TIAM2: variants seen among roughly 807,000 people sequenced by gnomAD.
The protein encoded by TIAM2 is TIAM Rac1 associated GEF 2.
Under a neutral mutation model 152.9 loss-of-function variants are expected in TIAM2, and 80 were observed. That is an observed-to-expected ratio of 0.52 (90% CI 0.44 to 0.63). The LOEUF (loss-of-function observed/expected upper bound fraction) is 0.63, where lower values mean the gene tolerates loss of function less well. TIAM2 is among the 30% of genes least tolerant of loss of function. The probability of loss-of-function intolerance (pLI) is 0.00; values close to 1 mark genes in which losing one functional copy is unlikely to be tolerated. For synonymous variants in TIAM2, 804 were observed against 838.0 expected (o/e 0.96, Z 0.70); for missense variants, 1,965 against 2,120.1 (o/e 0.93, Z 1.44).
chr6:155,148,098 C>T lies in TIAM2; in HGVS notation c.1804-12C>T, dbSNP rs1171677505. On this transcript the variant is annotated splice_polypyrimidine_tract_variant and intron_variant, in intron 6 of 26. Transcript: ENST00000682666. ...ATGATTCGAAACAGGCTTTCTCCCT[C>T]CCTGTGTGTAGGCCACCAGCCAGAC... 2 of 1,613,418 alleles carry T rather than the reference C, an allele frequency of 1.2e-6. No homozygotes were observed. The highest frequency in any genetic ancestry group is 2.2e-5 in the South Asian group (2 of 91,040).
At chr6:155,080,962 G>A (rs896803075) in intron 1 of TIAM2, among the ~76,000 whole-genome samples, 14 of 152,128 alleles carry the variant, frequency 9.2e-5, no homozygotes, top group African/African-American at 3.4e-4. Flanking sequence ...CTCTGGAGAG[G>A]TCTGTAGCAC....
intron 1 of TIAM2, among the ~76,000 whole-genome samples, chr6:155,023,057 TTTTC>T (rs747633926): frequency 0.05 from 2,066 of 41,472 alleles, 24 homozygotes; most frequent in Non-Finnish European, 0.1. Flanking sequence ...TTTTTTTTTT[TTTTC>T]CCTTGGCAAG....
In TIAM2 at chr6:155,257,202, A is replaced by C. The variant is rs1037634984; in HGVS notation, c.*81A>C. Reference sequence around the variant, plus strand: ...AAAGTGGAAATTGCAAAAAAAAAAAAAAAAAAAAACTGTTCATTCCTGGGT... The same window carrying C: ...AAAGTGGAAATTGCAAAAAAAAAAACAAAAAAAAACTGTTCATTCCTGGGT... On this transcript the variant is annotated 3_prime_UTR_variant, in exon 27 of 27. Transcript: ENST00000682666. 3.3e-5 allele frequency: 47 copies of C among 1,427,898 alleles called. No homozygotes were observed. The highest frequency in any genetic ancestry group is 1.1e-4 in the Admixed American group (5 of 45,686). 88.5% of individuals were successfully genotyped at this position (1,427,898 alleles called of 1,614,324 possible). A position where few individuals can be genotyped will look rare whatever the true frequency, so the allele number is the denominator to read the frequency against.
chr6:155,233,351 GA>G (rs1167324489), intron 15 of TIAM2, among the ~76,000 whole-genome samples: 2 of 152,164 alleles, frequency 1.3e-5, no homozygotes, highest in East Asian at 3.9e-4. Flanking sequence ...TTTTTCTAAT[GA>G]AAAGTATTGC....
In TIAM2 at chr6:155,156,698, A is replaced by C. The variant is rs1426665612; in HGVS notation, c.2029-7717A>C. 6.6e-6 allele frequency among the ~76,000 whole-genome samples: 1 copy of C among 152,068 alleles called. No individual in the cohort carries two copies. The highest frequency in any genetic ancestry group is 6.6e-5 in the Admixed American group (1 of 15,238). On this transcript the variant is annotated intron_variant, in intron 7 of 26. Coordinates refer to ENST00000682666, the MANE Select transcript of TIAM2 (RefSeq NM_012454.4). The surrounding 1 kb of genome is among the most constrained non-coding windows in gnomAD (Gnocchi z 4.4). ...AATAAAGTAAAAAAATAAAAAGCACATGTGATCCTGTGATTGCCAGATAAA... is the reference window on the plus strand; with the variant it reads ...AATAAAGTAAAAAAATAAAAAGCACCTGTGATCCTGTGATTGCCAGATAAA...
chr6:155,025,863 C>T (rs150309198), intron 1 of TIAM2, among the ~76,000 whole-genome samples: 1 of 128,470 alleles, frequency 7.8e-6, no homozygotes, highest in Non-Finnish European at 1.7e-5. Context: ...CACACACACA[C>T]ACACACACAC....
chr6:155,198,565 G>C (rs1781400728), intron 14 of TIAM2, among the ~76,000 whole-genome samples: 1 of 151,060 alleles, frequency 6.6e-6, no homozygotes, highest in Admixed American at 6.6e-5. Flanking sequence ...GGAAGGCTGA[G>C]GCAGGGGAAT....
At chr6:155,020,071 G>A (rs866623207) in intron 1 of TIAM2, among the ~76,000 whole-genome samples, 16 of 151,922 alleles carry the variant, frequency 1.1e-4, no homozygotes, top group Middle Eastern at 3.4e-3. Flanking sequence ...AAGGCAGCGA[G>A]GTAGGTGGTA....
At chr6:155,010,116 G>A (rs766324991) in intron 1 of TIAM2, among the ~76,000 whole-genome samples, 17 of 152,086 alleles carry the variant, frequency 1.1e-4, no homozygotes, top group Non-Finnish European at 2.4e-4. Context: ...CACTACAGGC[G>A]TGAGCCACCA....
rs371132068 is a variant in TIAM2 at position 155,057,276 on chromosome 6, C to T, written c.-208-33013C>T. On this transcript the variant is annotated intron_variant, in intron 1 of 26. Transcript: ENST00000682666. ...CTGGTTTTGAACTCCCTAACTTAAGCGATTTGCCCGCCTCAGCCTCCCAAA... is the reference window on the plus strand; with the variant it reads ...CTGGTTTTGAACTCCCTAACTTAAGTGATTTGCCCGCCTCAGCCTCCCAAA... Among the ~76,000 whole-genome samples, 68 of 151,068 alleles carry T rather than the reference C, an allele frequency of 4.5e-4. No homozygotes were observed. In the South Asian group the frequency reaches 0.011, roughly 25 times the overall value.
intron 19 of TIAM2, among the ~76,000 whole-genome samples, chr6:155,247,109 G>A (rs1391786237): frequency 2.0e-5 from 3 of 152,250 alleles, no homozygotes; most frequent in African/African-American, 7.2e-5. Context: ...AGGTGAATCT[G>A]CTTGGAGCTG....
chr6:155,084,049 C>T (rs112974776), intron 1 of TIAM2, among the ~76,000 whole-genome samples: 1,984 of 152,268 alleles, frequency 0.013, 53 homozygotes, highest in African/African-American at 0.045. Context: ...AGAGGAGTGT[C>T]AGAGAACTTA....
intron 9 of TIAM2, among the ~76,000 whole-genome samples, chr6:155,170,137 C>T (rs1780547680): frequency 8.0e-6 from 1 of 124,932 alleles, no homozygotes; most frequent in Admixed American, 7.6e-5. Flanking sequence ...CTGCACTTAC[C>T]ATCTCTTACT....
intron 1 of TIAM2, among the ~76,000 whole-genome samples, chr6:155,071,091 C>T (rs988580986): frequency 1.7e-4 from 26 of 151,956 alleles, no homozygotes; most frequent in South Asian, 6.3e-4. Context: ...GAGGATGGCT[C>T]GTGCCCGAGA....
rs1369248185 is a variant in TIAM2, at chr6:155,148,244, G to A, written c.1938G>A (p.Lys646=). 1.1e-5 allele frequency: 18 copies of A among 1,612,736 alleles called. No individual in the cohort carries two copies. The highest frequency in any genetic ancestry group is 1.4e-5 in the Non-Finnish European group (16 of 1,180,026). The change falls in exon 7 of 27, where the codon AAG becomes AAA. Residue 646 remains lysine, a synonymous_variant. Transcript: ENST00000682666. Reference sequence around the variant, plus strand: ...ACCAGACCAAAAACCTGCTTCAGAAGATAGACATGGACAGCAAGATGAAGA... The same window carrying A: ...ACCAGACCAAAAACCTGCTTCAGAAAATAGACATGGACAGCAAGATGAAGA... The part of the protein sequence containing the change: ...LKNQTKNLLQ[K]IDMDSKMKKM...
At chr6:155,228,797 GCTC>G (rs1418953257) in intron 15 of TIAM2, among the ~76,000 whole-genome samples, 1 of 152,122 alleles carries the variant, frequency 6.6e-6, no homozygotes, top group Admixed American at 6.5e-5. Context: ...CAAGCCCGAC[GCTC>G]CTCCTGTTCC....
intron 19 of TIAM2, among the ~76,000 whole-genome samples, chr6:155,247,185 T>G (rs1328495250): frequency 6.6e-6 from 1 of 152,218 alleles, no homozygotes; most frequent in Admixed American, 6.5e-5. Flanking sequence ...GAAAAGACAC[T>G]GCTTTCCAGA....
In TIAM2 at chr6:155,119,092, T is replaced by C. The variant is rs374687662; in HGVS notation, c.-117-8398T>C. Among the ~76,000 whole-genome samples the C allele has an allele frequency of 4.6e-5, 7 of 151,984 alleles. No homozygotes were observed. In the East Asian group the frequency reaches 7.8e-4, roughly 17 times the overall value. The stretch of plus-strand genomic sequence containing the variant: ...CTCTGTTGCTCAGGCTGGAGTGCAG[T>C]GGCGCGATCTCGGCTCACTACAACC... On this transcript the variant is annotated intron_variant, in intron 2 of 26. Coordinates refer to ENST00000682666, the MANE Select transcript of TIAM2 (RefSeq NM_012454.4).
At chr6:155,017,419 C>A (rs1184457050) in intron 1 of TIAM2, among the ~76,000 whole-genome samples, 3 of 151,482 alleles carry the variant, frequency 2.0e-5, no homozygotes, top group Non-Finnish European at 4.4e-5. Flanking sequence ...GAGCTGAGAG[C>A]TTGGGTGGGG....
Sources: allele counts gnomAD v4.1 joint callset (sites outside exome capture counted in the v4.1 genomes callset), GRCh38; gene constraint gnomAD v4.1.1; non-coding constraint Gnocchi (gnomAD v3.1); transcripts MANE v1.5; gene names NCBI Gene and HGNC (gene_info 2026-07-23, HGNC 2026-07-21).